The following PHLDB1 variants were observed in gnomAD, a reference collection of about 807,000 sequenced individuals.
PHLDB1 encodes pleckstrin homology-like domain family B member 1.
PHLDB1 carries 65 observed loss-of-function variants against 139.3 expected under a neutral mutation model. The ratio of observed to expected loss-of-function variants is 0.47; its 90% CI spans 0.38 to 0.57. PHLDB1 has a LOEUF of 0.57. PHLDB1 is among the 20% of genes least tolerant of loss of function. The probability of loss-of-function intolerance (pLI) is 0.00; values close to 1 mark genes in which losing one functional copy is unlikely to be tolerated. For missense variants in PHLDB1, 1,624 were observed against 1,839.7 expected (o/e 0.88, Z 2.14); for synonymous variants, 679 against 734.5 (o/e 0.92, Z 1.22).
Position 118,610,867 on chromosome 11 carries a change from A to C in PHLDB1, c.-21-2949A>C, listed in dbSNP as rs1318518430. 6.6e-6 allele frequency among the ~76,000 whole-genome samples: 1 copy of C among 152,198 alleles called. No homozygotes were observed. The highest frequency in any genetic ancestry group is 1.5e-5 in the Non-Finnish European group (1 of 68,016). Reference sequence around the variant, plus strand: ...CTGCCGGCGCCCCGGCCTTGCGCACAGAGGGCCTTGCCTGTCGCTCGTCAA... The same window carrying C: ...CTGCCGGCGCCCCGGCCTTGCGCACCGAGGGCCTTGCCTGTCGCTCGTCAA... On this transcript the variant is annotated intron_variant, in intron 1 of 22. Coordinates refer to ENST00000600882, the MANE Select transcript of PHLDB1 (RefSeq NM_001144758.3). The surrounding 1 kb of genome is among the most constrained non-coding windows in gnomAD (Gnocchi z 8.7).
At position 118,645,964 on chromosome 11, in the gene PHLDB1, A is replaced by G. The variant is rs1459345927; in HGVS notation, c.3507+139A>G. 6 of 692,054 alleles carry G rather than the reference A, an allele frequency of 8.7e-6. No homozygotes were observed. The Admixed American group carries it at 1.3e-4, about 15-fold the overall frequency. 42.9% of individuals were successfully genotyped at this position (692,054 alleles called of 1,614,324 possible). On this transcript the variant is annotated intron_variant, in intron 17 of 22. Coordinates refer to ENST00000600882, the MANE Select transcript of PHLDB1 (RefSeq NM_001144758.3). This position sits in a 1 kb window ranked among gnomAD's most constrained non-coding sequence, Gnocchi z 5.1. ...ATTCCCTTGGGGTAGAAAATGTTTT[A>G]AAAGGTTGTATTCTGGCCGGGCGCG...
chr11:118,655,875 T>C lies in PHLDB1; in HGVS notation c.3976T>C (p.Phe1326Leu), dbSNP rs143564524. Residue 1326 changes from phenylalanine to leucine, a missense_variant, in exon 22 of 23, where the codon TTC becomes CTC. Coordinates refer to ENST00000600882, the MANE Select transcript of PHLDB1 (RefSeq NM_001144758.3). ...RSAAKKRFFR[F>L]TMVTESPNPA... ...CCCTTCCCAGAAGAGGTTTTTCCGC[T>C]TCACTATGGTGACTGAGGTACCCCT... 4.0e-5 allele frequency: 64 copies of C among 1,612,600 alleles called. No individual in the cohort carries two copies. The African/African-American group carries it at 6.5e-4, about 16-fold the overall frequency.
At chr11:118,646,757 C>T (rs1947598207) in intron 17 of PHLDB1, 1 of 152,212 alleles carries the variant, frequency 6.6e-6, no homozygotes, top group Admixed American at 6.5e-5. Flanking sequence ...CCATTGGAGG[C>T]ACTCTGCATA....
At chr11:118,614,462 AGAGGGGC>A (rs550257909) in intron 2 of PHLDB1, 90 bp from the exon 3 acceptor site, 17 of 1,361,632 alleles carry the variant, frequency 1.2e-5, no homozygotes, top group Non-Finnish European at 1.7e-5. Flanking sequence ...AGCCCTTCGG[AGAGGGGC>A]GAGGGCTGGA....
In PHLDB1 at chr11:118,610,155, GC is replaced by G. The variant is rs1197165957; in HGVS notation, c.-22+2459del. On this transcript the variant is annotated intron_variant, in intron 1 of 22. Coordinates refer to ENST00000600882, the MANE Select transcript of PHLDB1 (RefSeq NM_001144758.3). This position sits in a 1 kb window ranked among gnomAD's most constrained non-coding sequence, Gnocchi z 8.7. ...GTTCTTCAGTCTCCCCGCATCCTCTGCCCTCGGTCTTCCCCTCCCCAGCTTG... is the reference window on the plus strand; with the variant it reads ...GTTCTTCAGTCTCCCCGCATCCTCTGCCTCGGTCTTCCCCTCCCCAGCTTG... Among the ~76,000 whole-genome samples, 4 of 151,130 alleles carry G rather than the reference GC, an allele frequency of 2.6e-5. No homozygotes were observed. The highest frequency in any genetic ancestry group is 5.9e-5 in the Non-Finnish European group (4 of 67,874).
At chr11:118,622,681 C>T (rs1943069985) in intron 4 of PHLDB1, among the ~76,000 whole-genome samples, 1 of 149,178 alleles carries the variant, frequency 6.7e-6, no homozygotes, top group Admixed American at 6.6e-5. Context: ...CTACCACCCA[C>T]GACCCTGGGT....
Position 118,632,312 on chromosome 11 carries a change from C to T in PHLDB1, c.2379+16C>T. On this transcript the variant is annotated intron_variant, in intron 9 of 22. Transcript: ENST00000600882. This position sits in a 1 kb window ranked among gnomAD's most constrained non-coding sequence, Gnocchi z 5.9. The stretch of plus-strand genomic sequence containing the variant: ...GAGGGACAAGGTAACCCACACCTGG[C>T]CCAGCTTAGTGCTGGGTACCAGTGG... 1.2e-6 allele frequency: 2 copies of T among 1,611,774 alleles called. No individual in the cohort carries two copies. Among genetic ancestry groups the T allele is most frequent in the Non-Finnish European group, 1.7e-6 (2 of 1,179,530 alleles).
chr11:118,646,451 G>A (rs1183927726), intron 17 of PHLDB1: 1 of 152,448 alleles, frequency 6.6e-6, no homozygotes, highest in Admixed American at 6.5e-5. Flanking sequence ...GGCAACTACA[G>A]GAATTTTGAT....
intron 18 of PHLDB1, among the ~76,000 whole-genome samples, chr11:118,649,117 A>G (rs952842697): frequency 2.0e-5 from 3 of 151,998 alleles, no homozygotes; most frequent in African/African-American, 7.2e-5. Flanking sequence ...CCATCTCTAC[A>G]AAAAATACAA....
intron 13 of PHLDB1, among the ~76,000 whole-genome samples, chr11:118,643,163 C>T (rs529206170): frequency 6.6e-5 from 10 of 152,318 alleles, no homozygotes; most frequent in East Asian, 1.9e-4. Context: ...GAGATTTTAA[C>T]GTGTTTTGAT....
chr11:118,636,090 TGATCTC>T (rs1221867733), intron 10 of PHLDB1, among the ~76,000 whole-genome samples: 2 of 152,222 alleles, frequency 1.3e-5, no homozygotes, highest in Non-Finnish European at 2.9e-5. Flanking sequence ...CACCTGCTCT[TGATCTC>T]AGCCAGACCA....
At chr11:118,638,640 G>A (rs1247291549) in intron 10 of PHLDB1, among the ~76,000 whole-genome samples, 1 of 152,154 alleles carries the variant, frequency 6.6e-6, no homozygotes, top group Non-Finnish European at 1.5e-5. Flanking sequence ...GTAGGGTAAG[G>A]GAAGGGAGAT....
At chr11:118,616,998 T>C (rs1345456788) in intron 4 of PHLDB1, among the ~76,000 whole-genome samples, 2 of 152,134 alleles carry the variant, frequency 1.3e-5, no homozygotes, top group Non-Finnish European at 2.9e-5. Flanking sequence ...TGAGCTGAGA[T>C]GGCACCATTG....
At chr11:118,630,025 C>T in intron 6 of PHLDB1, 1 of 1,264,700 alleles carries the variant, frequency 7.9e-7, no homozygotes, top group South Asian at 1.3e-5. Flanking sequence ...AGGCTCTGTT[C>T]CGGTTTTTTT....
rs1555089168 is a variant in PHLDB1 at position 118,616,133 on chromosome 11, A to C, written c.277A>C (p.Thr93Pro). Reference sequence around the variant, plus strand: ...CTGCTACATCGAGAACCTGCGGGGCACCCTCACCCTCTACCCCTGTGGCAA... The same window carrying C: ...CTGCTACATCGAGAACCTGCGGGGCCCCCTCACCCTCTACCCCTGTGGCAA... ...EHCYIENLRGTLTLYPCGNAC... is the reference protein window; with the variant it reads ...EHCYIENLRGPLTLYPCGNAC... Residue 93 changes from threonine to proline, a missense_variant, in exon 4 of 23, where the codon ACC becomes CCC. Transcript: ENST00000600882. 6.2e-7 allele frequency: 1 copy of C among 1,613,836 alleles called. No homozygotes were observed. Among genetic ancestry groups the C allele is most frequent in the East Asian group, 2.2e-5 (1 of 44,878 alleles).
At chr11:118,624,855 C>T (rs1943574131) in intron 4 of PHLDB1, 79 bp from the exon 5 acceptor site, 9 of 1,475,048 alleles carry the variant, frequency 6.1e-6, no homozygotes, top group Middle Eastern at 3.5e-4. Flanking sequence ...GGTGATCCAC[C>T]CTCCTCCGCC....
chr11:118,614,688 T>A lies in PHLDB1; in HGVS notation c.184+6T>A, dbSNP rs782611836. Reference sequence around the variant, plus strand: ...CCTCCTGCCGCTGGAGGAAGGTAAGTGTGAACAGGGCATCTCACTCACCAC... The same window carrying A: ...CCTCCTGCCGCTGGAGGAAGGTAAGAGTGAACAGGGCATCTCACTCACCAC... On this transcript the variant is annotated splice_donor_region_variant and intron_variant, in intron 3 of 22. Coordinates refer to ENST00000600882, the MANE Select transcript of PHLDB1 (RefSeq NM_001144758.3). 2.5e-6 allele frequency: 4 copies of A among 1,613,396 alleles called. No homozygotes were observed. The highest frequency in any genetic ancestry group is 3.4e-6 in the Non-Finnish European group (4 of 1,179,630).
chr11:118,642,290 C>A lies in PHLDB1; in HGVS notation c.2773C>A (p.Gln925Lys). 1 of 1,613,106 alleles carries A rather than the reference C, an allele frequency of 6.2e-7. No homozygotes were observed. The highest frequency in any genetic ancestry group is 8.5e-7 in the Non-Finnish European group (1 of 1,179,946). ...KLLLPAVDLE[Q>K]WYQELMAGLG... ...GCTGCTCCCTGCTGTAGACTTAGAGCAGTGGTACCAGGAGCTGATGGCCGG... is the reference window on the plus strand; with the variant it reads ...GCTGCTCCCTGCTGTAGACTTAGAGAAGTGGTACCAGGAGCTGATGGCCGG... Residue 925 changes from glutamine to lysine, a missense_variant, in exon 13 of 23, where the codon CAG (glutamine) becomes AAG (lysine). Physicochemically the swap from Gln to Lys is moderately conservative, Grantham distance 53. Transcript: ENST00000600882.
rs138234259 is a variant in PHLDB1, at chr11:118,638,933, G to A, written c.2578G>A (p.Ala860Thr). ...GGACAGTCAGGCTGGGCAGATCCGG[G>A]CTCAGGCCGTGCAGGAATCAGAACG... Reference protein sequence around the residue: ...ILDSQAGQIRAQAVQESERLA... With the variant: ...ILDSQAGQIRTQAVQESERLA... The change falls in exon 11 of 23, where the codon GCT becomes ACT. Residue 860 changes from alanine to threonine, a missense_variant. Transcript: ENST00000600882. 2 of 1,613,424 alleles carry A rather than the reference G, an allele frequency of 1.2e-6. No homozygotes were observed. Among genetic ancestry groups the A allele is most frequent in the African/African-American group, 1.3e-5 (1 of 74,898 alleles).
Sources: allele counts gnomAD v4.1 joint callset (sites outside exome capture counted in the v4.1 genomes callset), GRCh38; gene constraint gnomAD v4.1.1; non-coding constraint Gnocchi (gnomAD v3.1); transcripts MANE v1.5; gene names NCBI Gene and HGNC (gene_info 2026-07-23, HGNC 2026-07-21).